CARMIL1: variants seen among roughly 807,000 people sequenced by gnomAD.
The protein encoded by CARMIL1 is capping protein regulator and myosin 1 linker 1, also known as F-actin-uncapping protein LRRC16A.
In CARMIL1, 90 loss-of-function variants were observed where a neutral mutation model predicts 177.1. The observed-to-expected ratio is 0.51, with a 90% CI of 0.43 to 0.61. The LOEUF is 0.61. CARMIL1 is among the 20% of genes least tolerant of loss of function. CARMIL1 has a pLI of 0.00. For missense variants in CARMIL1, 1,380 were observed against 1,667.0 expected (o/e 0.83, Z 3.00); for synonymous variants, 577 against 606.2 (o/e 0.95, Z 0.71).
At chr6:25,450,272 G>A in intron 6 of CARMIL1, 67 bp from the exon 7 acceptor site, 1 of 1,125,988 alleles carries the variant, frequency 8.9e-7, no homozygotes, top group Non-Finnish European at 1.3e-6. Flanking sequence ...CCATATTTAA[G>A]CTTTAAAATT....
chr6:25,347,142 A>G (rs901751310), intron 2 of CARMIL1, among the ~76,000 whole-genome samples: 1 of 152,194 alleles, frequency 6.6e-6, no homozygotes, highest in Non-Finnish European at 1.5e-5. Flanking sequence ...AGAGGCACTG[A>G]TATCTGTCTA....
chr6:25,421,430 T>C (rs1795842352), intron 3 of CARMIL1, among the ~76,000 whole-genome samples: 1 of 152,206 alleles, frequency 6.6e-6, no homozygotes, highest in Non-Finnish European at 1.5e-5. Context: ...TTGGTGGGAC[T>C]GTAAACTAGT....
rs1032219102 is a variant in CARMIL1, at chr6:25,296,782, A to T, written c.138+11873A>T. 3.9e-5 allele frequency among the ~76,000 whole-genome samples: 6 copies of T among 152,340 alleles called. No homozygotes were observed. The East Asian group carries it at 1.2e-3, about 29-fold the overall frequency. On this transcript the variant is annotated intron_variant, in intron 2 of 36. Transcript: ENST00000329474. ...CCAAAAAAAGATCTTATCATCTGTCATAGGCATGACCTGAAGAGAAGCAGC... is the reference window on the plus strand; with the variant it reads ...CCAAAAAAAGATCTTATCATCTGTCTTAGGCATGACCTGAAGAGAAGCAGC...
chr6:25,519,543 G>A lies in CARMIL1; in HGVS notation c.1875-701G>A, dbSNP rs570800797. The stretch of plus-strand genomic sequence containing the variant: ...GTTTAATAGGCCTGCCAGTAGCAAT[G>A]GGATAATATACAGCAATCAACAGTT... On this transcript the variant is annotated intron_variant, in intron 22 of 36. Coordinates refer to ENST00000329474, the MANE Select transcript of CARMIL1 (RefSeq NM_017640.6). Among the ~76,000 whole-genome samples, 4 of 152,302 alleles carry A rather than the reference G, an allele frequency of 2.6e-5. No homozygotes were observed. The East Asian group carries it at 5.8e-4, about 22-fold the overall frequency.
At chr6:25,601,319 G>T (rs1815379226) in intron 33 of CARMIL1, among the ~76,000 whole-genome samples, 1 of 152,150 alleles carries the variant, frequency 6.6e-6, no homozygotes, top group Admixed American at 6.5e-5. Flanking sequence ...GAAGACTCCG[G>T]TCTTTCCCCA....
chr6:25,550,069 T>C (rs909673552), intron 26 of CARMIL1, among the ~76,000 whole-genome samples: 1 of 151,620 alleles, frequency 6.6e-6, no homozygotes, highest in African/African-American at 2.4e-5. Context: ...AATTTAGGTC[T>C]GACACTGATG....
intron 31 of CARMIL1, among the ~76,000 whole-genome samples, chr6:25,586,578 C>T (rs1244751294): frequency 6.6e-6 from 1 of 151,880 alleles, no homozygotes; most frequent in African/African-American, 2.4e-5. Context: ...GCTGCAATCT[C>T]GGCACTTTGG....
At chr6:25,615,576 A>G (rs1183229605) in intron 36 of CARMIL1, among the ~76,000 whole-genome samples, 1 of 152,144 alleles carries the variant, frequency 6.6e-6, no homozygotes, top group Non-Finnish European at 1.5e-5. Context: ...CCTTTTATAT[A>G]TCACTTGCCT....
chr6:25,506,305 G>A (rs1247706092), intron 17 of CARMIL1, among the ~76,000 whole-genome samples: 1 of 152,234 alleles, frequency 6.6e-6, no homozygotes, highest in Non-Finnish European at 1.5e-5. Flanking sequence ...CCAGCACTTT[G>A]GGAGGCCAAG....
intron 2 of CARMIL1, among the ~76,000 whole-genome samples, chr6:25,353,007 C>T (rs1788257092): frequency 6.6e-6 from 1 of 152,142 alleles, no homozygotes; most frequent in Non-Finnish European, 1.5e-5. Context: ...TGTGTGTCTT[C>T]TCCTGCCGCC....
intron 27 of CARMIL1, 90 bp downstream of exon 27, chr6:25,551,175 C>A: frequency 1.0e-6 from 1 of 960,720 alleles, no homozygotes; most frequent in Non-Finnish European, 1.6e-6. Context: ...TGGCTGTATC[C>A]ATATATAATG....
At chr6:25,493,619 T>C (rs951487440) in intron 15 of CARMIL1, among the ~76,000 whole-genome samples, 6 of 152,292 alleles carry the variant, frequency 3.9e-5, no homozygotes, top group South Asian at 2.1e-4. Flanking sequence ...GTGCACATAC[T>C]GGCTCCCAAG....
chr6:25,472,652 TC>T, intron 11 of CARMIL1, 131 bp downstream of exon 11: 5 of 641,936 alleles, frequency 7.8e-6, no homozygotes, highest in Non-Finnish European at 1.3e-5. Flanking sequence ...CCTGTTGGCT[TC>T]CAGTTCTTTC....
intron 2 of CARMIL1, among the ~76,000 whole-genome samples, chr6:25,323,406 A>G (rs1784827033): frequency 7.3e-6 from 1 of 136,548 alleles, no homozygotes; most frequent in Non-Finnish European, 1.5e-5. Context: ...CAACAGAGCG[A>G]GACCCTGTCT....
chr6:25,611,973 T>C (rs968149512), intron 36 of CARMIL1, among the ~76,000 whole-genome samples: 3 of 152,214 alleles, frequency 2.0e-5, no homozygotes, highest in African/African-American at 7.2e-5. Flanking sequence ...GGGTATATGT[T>C]TGATTCCCTT....
chr6:25,389,560 G>A (rs550306091), intron 2 of CARMIL1, among the ~76,000 whole-genome samples: 50 of 152,280 alleles, frequency 3.3e-4, no homozygotes, highest in Non-Finnish European at 6.8e-4. Context: ...GTGTAAAATG[G>A]AATAATTGCT....
intron 2 of CARMIL1, among the ~76,000 whole-genome samples, chr6:25,380,860 C>T (rs1317366332): frequency 1.3e-5 from 2 of 151,958 alleles, no homozygotes; most frequent in Non-Finnish European, 2.9e-5. Context: ...TGGACTCATG[C>T]CTTGGACCAC....
chr6:25,544,720 C>T (rs1316959063), intron 26 of CARMIL1, among the ~76,000 whole-genome samples: 2 of 151,686 alleles, frequency 1.3e-5, no homozygotes, highest in Non-Finnish European at 2.9e-5. Context: ...ACAAGAAAGA[C>T]TAATGAGCTG....
intron 31 of CARMIL1, 21 bp downstream of exon 31, chr6:25,581,460 GC>G (rs1813113787): frequency 1.9e-6 from 3 of 1,585,818 alleles, no homozygotes; most frequent in Non-Finnish European, 2.6e-6. Context: ...TGCAGGAGAG[GC>G]CCCATCTCTC....
Sources: gnomAD v4.1 joint callset for allele counts (sites outside exome capture counted in the v4.1 genomes callset) on GRCh38, gnomAD v4.1.1 for gene constraint, MANE v1.5 for transcripts, NCBI Gene and HGNC (gene_info 2026-07-23, HGNC 2026-07-21) for gene names.